GRID2: variants seen among roughly 807,000 people sequenced by gnomAD.
The protein encoded by GRID2 is glutamate receptor ionotropic, delta-2.
Under a neutral mutation model 114.8 loss-of-function variants are expected in GRID2, and 33 were observed. The observed-to-expected ratio is 0.29, with a 90% CI of 0.22 to 0.38. The LOEUF (loss-of-function observed/expected upper bound fraction) is 0.38. Ranked by LOEUF, GRID2 falls within the 10% of genes least tolerant of loss-of-function variation. The pLI is 1.00. For synonymous variants in GRID2, 505 were observed against 449.9 expected, an observed-to-expected ratio of 1.12 and a Z score of -1.55; for missense variants, 1,184 against 1,257.7, an observed-to-expected ratio of 0.94 and a Z score of 0.89.
At chr4:92,337,097 A>C (rs1214284399) in intron 1 of GRID2, among the ~76,000 whole-genome samples, 1 of 150,820 alleles carries the variant, frequency 6.6e-6, no homozygotes, top group Non-Finnish European at 1.5e-5. Context: ...CAGGGACTGT[A>C]TCTTAACTTG....
chr4:92,829,409 A>G (rs1741947800), intron 2 of GRID2, among the ~76,000 whole-genome samples: 1 of 152,168 alleles, frequency 6.6e-6, no homozygotes, highest in Non-Finnish European at 1.5e-5. Context: ...GCCAGTTAGA[A>G]TGGCAATCAT....
intron 14 of GRID2, among the ~76,000 whole-genome samples, chr4:93,706,033 G>A (rs765133010): frequency 2.0e-5 from 3 of 152,076 alleles, no homozygotes; most frequent in Non-Finnish European, 2.9e-5. Flanking sequence ...TGTACCATTA[G>A]TCTATGTGTC....
chr4:93,681,869 G>A (rs562949423), intron 14 of GRID2, among the ~76,000 whole-genome samples: 4,633 of 151,860 alleles, frequency 0.031, 108 homozygotes, highest in African/African-American at 0.062. Context: ...CATAGGCATG[G>A]GCAAGGACTT....
intron 2 of GRID2, among the ~76,000 whole-genome samples, chr4:93,039,056 T>C (rs929989454): frequency 6.6e-6 from 1 of 152,034 alleles, no homozygotes; most frequent in Admixed American, 6.6e-5. Flanking sequence ...TAGCAAAAAC[T>C]TGGAACCAAC....
intron 13 of GRID2, among the ~76,000 whole-genome samples, chr4:93,620,539 G>A (rs755882874): frequency 4.6e-5 from 7 of 152,180 alleles, no homozygotes; most frequent in Non-Finnish European, 1.0e-4. Flanking sequence ...AGCTCATGAT[G>A]GAGATGTCAG....
chr4:92,405,586 C>A (rs1452032954), intron 1 of GRID2, among the ~76,000 whole-genome samples: 1 of 151,648 alleles, frequency 6.6e-6, no homozygotes, highest in African/African-American at 2.4e-5. Flanking sequence ...CTTAAATTTT[C>A]ATACAATAAT....
rs76391547 is a variant in GRID2, at chr4:93,541,725, A to G, written c.2193+26314A>G. ...GTACGGTTTGGGAGTTGCTCTATAC[A>G]ATGTGACACTTGATCTGAAATACCA... On this transcript the variant is annotated intron_variant, in intron 13 of 15. Coordinates refer to ENST00000282020, the MANE Select transcript of GRID2 (RefSeq NM_001510.4). Among the ~76,000 whole-genome samples, 11 of 152,288 alleles carry G rather than the reference A, an allele frequency of 7.2e-5. No individual in the cohort carries two copies. In the East Asian group the frequency reaches 2.1e-3, roughly 29 times the overall value.
At chr4:92,886,950 G>GA (rs1016003908) in intron 2 of GRID2, among the ~76,000 whole-genome samples, 77 of 148,500 alleles carry the variant, frequency 5.2e-4, no homozygotes, top group African/African-American at 1.2e-3. Context: ...TTTTTTGGGG[G>GA]AAAAAAAAAA....
chr4:93,659,768 T>C (rs1016606942), intron 14 of GRID2, among the ~76,000 whole-genome samples: 29 of 152,294 alleles, frequency 1.9e-4, no homozygotes, highest in South Asian at 8.3e-4. Context: ...TTTTAAATAT[T>C]AAATTAAGCT....
intron 4 of GRID2, among the ~76,000 whole-genome samples, chr4:93,176,512 C>A (rs1739355745): frequency 6.6e-6 from 1 of 152,110 alleles, no homozygotes; most frequent in Non-Finnish European, 1.5e-5. Context: ...CTGTCAGTAG[C>A]ATGGCCAATT....
chr4:93,584,478 A>G (rs928621055), intron 13 of GRID2, among the ~76,000 whole-genome samples: 6 of 152,108 alleles, frequency 3.9e-5, no homozygotes, highest in African/African-American at 1.4e-4. Context: ...CAATGGTTGA[A>G]AATGTTGTTT....
At chr4:93,656,458 G>C (rs1244737152) in intron 14 of GRID2, among the ~76,000 whole-genome samples, 1 of 151,890 alleles carries the variant, frequency 6.6e-6, no homozygotes, top group Non-Finnish European at 1.5e-5. Flanking sequence ...TGTCAGCTTA[G>C]ATCTACTACA....
chr4:93,721,671 C>A (rs1457541409), intron 14 of GRID2, among the ~76,000 whole-genome samples: 1 of 152,100 alleles, frequency 6.6e-6, no homozygotes, highest in Non-Finnish European at 1.5e-5. Context: ...TAGTGTCTGT[C>A]AAGTCATAAA....
At chr4:92,963,370 A>G (rs1752944643) in intron 2 of GRID2, among the ~76,000 whole-genome samples, 1 of 152,024 alleles carries the variant, frequency 6.6e-6, no homozygotes, top group Non-Finnish European at 1.5e-5. Context: ...TGCTGCTGAT[A>G]TATCAACTAG....
chr4:93,308,941 T>C (rs1227723919), intron 8 of GRID2, among the ~76,000 whole-genome samples: 1 of 152,184 alleles, frequency 6.6e-6, no homozygotes, highest in Non-Finnish European at 1.5e-5. Flanking sequence ...AAGTGGTTAC[T>C]AAGCTACAAA....
At chr4:93,031,506 T>C (rs957082961) in intron 2 of GRID2, among the ~76,000 whole-genome samples, 3 of 152,178 alleles carry the variant, frequency 2.0e-5, no homozygotes, top group African/African-American at 4.8e-5. Context: ...AATCTCACGT[T>C]GAATTGTAGC....
intron 2 of GRID2, among the ~76,000 whole-genome samples, chr4:92,875,198 G>A (rs549036712): frequency 1.8e-5 from 2 of 112,854 alleles, no homozygotes; most frequent in Non-Finnish European, 3.3e-5. Flanking sequence ...GTCTCACACT[G>A]TTGCCCGGGT....
intron 1 of GRID2, among the ~76,000 whole-genome samples, chr4:92,479,545 T>C (rs919515438): frequency 7.9e-5 from 12 of 152,192 alleles, no homozygotes; most frequent in African/African-American, 2.4e-4. Context: ...GATTTGATGA[T>C]GTTCTTTATT....
chr4:92,454,262 A>G (rs1721095875), intron 1 of GRID2, among the ~76,000 whole-genome samples: 1 of 152,164 alleles, frequency 6.6e-6, no homozygotes, highest in Non-Finnish European at 1.5e-5. Flanking sequence ...TTCAAATTCT[A>G]TTAATTATTC....
Sources: allele counts gnomAD v4.1 joint callset (sites outside exome capture counted in the v4.1 genomes callset), GRCh38; gene constraint gnomAD v4.1.1; transcripts MANE v1.5; gene names NCBI Gene and HGNC (gene_info 2026-07-23, HGNC 2026-07-21).